The following DYNC2I2 variants were observed in gnomAD, a reference collection of about 807,000 sequenced individuals.
The protein encoded by DYNC2I2 is dynein 2 intermediate chain 2.
DYNC2I2 carries 39 observed loss-of-function variants against 52.0 expected under a neutral mutation model. That is an observed-to-expected ratio of 0.75 (90% confidence interval 0.58 to 0.98). The LOEUF is 0.98. Among genes scored for constraint, DYNC2I2 ranks in the 50% least tolerant of loss-of-function variants. The pLI, the probability that DYNC2I2 is intolerant of heterozygous loss-of-function variation, is 0.00. For synonymous variants in DYNC2I2, 359 were observed against 321.1 expected (o/e 1.12, Z -1.26); for missense variants, 743 against 728.4 (o/e 1.02, Z -0.23).
rs780425196 is a variant in DYNC2I2, at chr9:128,634,367, C to T, written c.1231G>A (p.Ala411Thr). Residue 411 changes from alanine (A) to threonine (T), a missense_variant, in exon 8 of 9, where the codon GCT becomes ACT. Physicochemically the swap from Ala to Thr is moderately conservative, Grantham distance 58. Transcript: ENST00000372715. ...SPFHRNLFLS[A>T]GTDGHVHLYS... ...AGGTGGACATGCCCGTCAGTCCCAGCGCTCAGGAAGAGATTCCTAGACGGG... is the reference window on the plus strand; with the variant it reads ...AGGTGGACATGCCCGTCAGTCCCAGTGCTCAGGAAGAGATTCCTAGACGGG... 2.3e-5 allele frequency: 37 copies of T among 1,597,488 alleles called. No individual in the cohort carries two copies. Among genetic ancestry groups the T allele is most frequent in the Non-Finnish European group, 2.8e-5 (33 of 1,172,856 alleles).
intron 4 of DYNC2I2, 199 bp from the exon 5 acceptor site, chr9:128,635,966 C>G (rs1860401368): frequency 5.9e-6 from 4 of 674,054 alleles, no homozygotes; most frequent in Non-Finnish European, 1.0e-5. Context: ...GCCGGACACC[C>G]CTGCCCTGCA....
upstream of DYNC2I2, among the ~76,000 whole-genome samples, chr9:128,658,166 CTTT>C (rs879729021): frequency 2.9e-5 from 4 of 139,098 alleles, no homozygotes; most frequent in Admixed American, 7.3e-5. Flanking sequence ...ATAGATGCTA[CTTT>C]TTTTTTTTTT....
chr9:128,669,889 G>C, the DYNC2I2 span, among the ~76,000 whole-genome samples: 2 of 152,082 alleles, frequency 1.3e-5, no homozygotes, highest in Non-Finnish European at 2.9e-5. Context: ...CTATGTTGCT[G>C]AGCCAGGTCT....
At chr9:128,670,982 G>A in the DYNC2I2 span, among the ~76,000 whole-genome samples, 3 of 150,666 alleles carry the variant, frequency 2.0e-5, no homozygotes, top group African/African-American at 7.3e-5. Context: ...CAGGAGAATC[G>A]CTTGAACCTG....
chr9:128,664,676 G>A, the DYNC2I2 span, among the ~76,000 whole-genome samples: 1 of 151,652 alleles, frequency 6.6e-6, no homozygotes, highest in African/African-American at 2.4e-5. Flanking sequence ...GTAGAGACAG[G>A]GTTTCACCAT....
chr9:128,649,465 G>A (rs1193895345), intron 1 of DYNC2I2, among the ~76,000 whole-genome samples: 1 of 151,828 alleles, frequency 6.6e-6, no homozygotes, highest in Non-Finnish European at 1.5e-5. Context: ...AAGGTGGGAG[G>A]ATCATTTGAG....
chr9:128,635,514 G>A, intron 5 of DYNC2I2, 144 bp downstream of exon 5: 1 of 836,490 alleles, frequency 1.2e-6, no homozygotes, highest in South Asian at 1.7e-5. Context: ...GCTCCTGAGG[G>A]GGGTGACTCA....
At chr9:128,648,529 T>A (rs1860661280) in intron 1 of DYNC2I2, among the ~76,000 whole-genome samples, 1 of 149,644 alleles carries the variant, frequency 6.7e-6, no homozygotes, top group Admixed American at 6.7e-5. Flanking sequence ...CTCAGGCCTG[T>A]AATCCTAGGC....
intron 3 of DYNC2I2, 150 bp downstream of exon 3, chr9:128,636,768 G>C: frequency 1.5e-6 from 1 of 673,732 alleles, no homozygotes; most frequent in South Asian, 1.8e-5. Context: ...TCTGCCACTT[G>C]TTGTCAACCC....
chr9:128,679,403 C>G, the DYNC2I2 span, among the ~76,000 whole-genome samples: 3 of 152,128 alleles, frequency 2.0e-5, no homozygotes, highest in Non-Finnish European at 4.4e-5. Flanking sequence ...CCAGAGAAAG[C>G]TCAGCTTTTT....
At chr9:128,637,969 GC>G (rs1487505810) in intron 2 of DYNC2I2, among the ~76,000 whole-genome samples, 2 of 152,264 alleles carry the variant, frequency 1.3e-5, no homozygotes, top group African/African-American at 4.8e-5. Flanking sequence ...GGGCACGATG[GC>G]TCACGCCTGT....
chr9:128,641,345 C>A (rs1280554071), intron 1 of DYNC2I2, among the ~76,000 whole-genome samples: 2 of 152,076 alleles, frequency 1.3e-5, no homozygotes, highest in African/African-American at 2.4e-5. Flanking sequence ...CCCATGAACA[C>A]CCCAGCTTCA....
the DYNC2I2 span, among the ~76,000 whole-genome samples, chr9:128,676,973 T>G: frequency 1.3e-5 from 2 of 151,674 alleles, no homozygotes; most frequent in Non-Finnish European, 2.9e-5. Context: ...CTCAGCCTCC[T>G]AAGTAGCTGG....
chr9:128,673,763 C>G, the DYNC2I2 span, among the ~76,000 whole-genome samples: 7 of 151,680 alleles, frequency 4.6e-5, no homozygotes, highest in Admixed American at 1.3e-4. Flanking sequence ...CCCTAGGCCT[C>G]CCAAAGTGCT....
At chr9:128,659,929 G>A (rs1396766158), upstream of DYNC2I2, among the ~76,000 whole-genome samples, 2 of 151,378 alleles carry the variant, frequency 1.3e-5, no homozygotes, top group Non-Finnish European at 3.0e-5. Context: ...AGTTAGCCAG[G>A]TGTAGTGGCA....
At chr9:128,666,006 C>T in the DYNC2I2 span, among the ~76,000 whole-genome samples, 1 of 150,524 alleles carries the variant, frequency 6.6e-6, no homozygotes, top group African/African-American at 2.4e-5. Context: ...ACCCAGGAGG[C>T]GGTGGTTGTA....
At position 128,635,294 on chromosome 9, in the gene DYNC2I2, A is replaced by G. The variant is rs779627338; in HGVS notation, c.814-35T>C. On this transcript the variant is annotated intron_variant, in intron 5 of 8. Coordinates refer to ENST00000372715, the MANE Select transcript of DYNC2I2 (RefSeq NM_052844.4). Reference sequence around the variant, plus strand: ...CAGCATGCAGGGCCAGGATGGAGACAAGGGACACCTGCCCAGGTGTCACGC... The same window carrying G: ...CAGCATGCAGGGCCAGGATGGAGACGAGGGACACCTGCCCAGGTGTCACGC... The G allele has an allele frequency of 1.0e-5, 16 of 1,604,166 alleles. No homozygotes were observed. In the Admixed American group the frequency reaches 1.9e-4, roughly 19 times the overall value.
chr9:128,659,080 C>T (rs1860887670), upstream of DYNC2I2, among the ~76,000 whole-genome samples: 2 of 151,888 alleles, frequency 1.3e-5, no homozygotes, highest in Non-Finnish European at 2.9e-5. Flanking sequence ...GCCCAAGATT[C>T]CGTCCCTGTA....
the DYNC2I2 span, among the ~76,000 whole-genome samples, chr9:128,671,389 C>T: frequency 2.6e-5 from 4 of 151,310 alleles, no homozygotes; most frequent in East Asian, 5.9e-4. Context: ...GCAAACTCCG[C>T]CTCCTGGGTT....
Sources: allele counts gnomAD v4.1 joint callset (sites outside exome capture counted in the v4.1 genomes callset), GRCh38; gene constraint gnomAD v4.1.1; transcripts MANE v1.5; gene names NCBI Gene and HGNC (gene_info 2026-07-23, HGNC 2026-07-21).